ARID1B: variants seen among roughly 807,000 people sequenced by gnomAD.
The protein encoded by ARID1B is AT-rich interactive domain-containing protein 1B.
Under a neutral mutation model 212.3 loss-of-function variants are expected in ARID1B, and 30 were observed. The observed-to-expected ratio is 0.14, with a 90% CI of 0.11 to 0.19. ARID1B has a LOEUF of 0.19. ARID1B is among the 10% of genes least tolerant of loss of function. The pLI is 1.00. For synonymous variants in ARID1B, 1,402 were observed against 1,301.7 expected, an observed-to-expected ratio of 1.08 and a Z score of -1.66; for missense variants, 2,891 against 3,204.0, an observed-to-expected ratio of 0.90 and a Z score of 2.36.
intron 4 of ARID1B, among the ~76,000 whole-genome samples, chr6:157,042,458 G>A (rs1222928347): frequency 1.4e-5 from 2 of 146,448 alleles, no homozygotes; most frequent in African/African-American, 2.6e-5. Context: ...TCTTTGGGAA[G>A]AAAACTCTGA....
At chr6:157,096,719 C>T (rs965928400) in intron 5 of ARID1B, among the ~76,000 whole-genome samples, 2 of 152,316 alleles carry the variant, frequency 1.3e-5, no homozygotes, top group Non-Finnish European at 2.9e-5. Context: ...GTGCCCACTG[C>T]CACCCGCCTG....
At chr6:156,790,324 A>G (rs898238964) in intron 1 of ARID1B, among the ~76,000 whole-genome samples, 1 of 152,244 alleles carries the variant, frequency 6.6e-6, no homozygotes, top group African/African-American at 2.4e-5. Flanking sequence ...ATTGTTAAAC[A>G]TTGTATTAAT....
At position 156,829,416 on chromosome 6, in the gene ARID1B, C is replaced by G. The variant is rs1554256752; in HGVS notation, c.1981C>G (p.Gln661Glu). The part of the protein sequence containing the change: ...GAMAGMQYPQ[Q>E]QMPPQYGQQG... The stretch of plus-strand genomic sequence containing the variant: ...CATGGCCGGAATGCAGTACCCTCAG[C>G]AGCAGGTTTGTGCTGGTCCCCCGAC... The change falls in exon 2 of 20, where the codon CAG (glutamine) becomes GAG (glutamate). Residue 661 changes from glutamine (Q) to glutamate (E), a missense_variant. Around this residue, in one of 7 missense-constraint regions of ARID1B, gnomAD observed 1,643 missense variants for 1,544.0 expected, o/e 1.06. Coordinates refer to ENST00000636930, the MANE Select transcript of ARID1B (RefSeq NM_001374828.1). 1 of 1,613,996 alleles carries G rather than the reference C, an allele frequency of 6.2e-7. No homozygotes were observed. The highest frequency in any genetic ancestry group is 8.5e-7 in the Non-Finnish European group (1 of 1,179,932).
At chr6:157,105,869 G>A (rs1786442325) in intron 5 of ARID1B, among the ~76,000 whole-genome samples, 1 of 152,038 alleles carries the variant, frequency 6.6e-6, no homozygotes, top group Non-Finnish European at 1.5e-5. Flanking sequence ...CAAAGTGCTG[G>A]GATTACAGGG....
At chr6:157,127,804 A>C (rs1006402107) in intron 6 of ARID1B, among the ~76,000 whole-genome samples, 10 of 139,790 alleles carry the variant, frequency 7.2e-5, no homozygotes, top group Non-Finnish European at 1.4e-4. Context: ...AAAAAAAAAA[A>C]AACAAAAATT....
At chr6:156,858,144 G>A (rs1785078246) in intron 2 of ARID1B, among the ~76,000 whole-genome samples, 1 of 151,618 alleles carries the variant, frequency 6.6e-6, no homozygotes, top group Non-Finnish European at 1.5e-5. Context: ...AATAATGCAT[G>A]TTCTCCCTCA....
Position 157,198,847 on chromosome 6 carries a change from C to G in ARID1B, c.4419C>G (p.Gly1473=), listed in dbSNP as rs1461804390. 2 of 1,611,746 alleles carry G rather than the reference C, an allele frequency of 1.2e-6. No homozygotes were observed. The change falls in exon 17 of 20, where the codon GGC becomes GGG. Residue 1473 remains glycine (G), a synonymous_variant. Transcript: ENST00000636930. ...EPYGQQYPGQ[G]PPSGQPPYGG... The stretch of plus-strand genomic sequence containing the variant: ...ATGGGCAGCAGTATCCAGGCCAAGG[C>G]CCTCCCTCGGGACAGCCGCCGTATG...
intron 2 of ARID1B, among the ~76,000 whole-genome samples, chr6:156,889,782 C>T (rs1460071013): frequency 1.3e-5 from 2 of 152,004 alleles, no homozygotes; most frequent in Non-Finnish European, 2.9e-5. Flanking sequence ...GACAGACTGG[C>T]ATGGACAGTA....
chr6:156,794,725 G>A (rs1405503342), intron 1 of ARID1B, among the ~76,000 whole-genome samples: 3 of 151,320 alleles, frequency 2.0e-5, no homozygotes, highest in African/African-American at 7.3e-5. Context: ...GTTAAGGCAC[G>A]CACCACCACA....
At chr6:157,110,663 A>G (rs1392470157) in intron 6 of ARID1B, 102 bp downstream of exon 6, 3 of 1,104,624 alleles carry the variant, frequency 2.7e-6, no homozygotes, top group African/African-American at 3.1e-5. Flanking sequence ...AATTTTTTTA[A>G]AGGATATTAT....
At chr6:157,159,716 T>A (rs1274920758) in intron 8 of ARID1B, among the ~76,000 whole-genome samples, 1 of 152,174 alleles carries the variant, frequency 6.6e-6, no homozygotes, top group African/African-American at 2.4e-5. Context: ...TACAGCTCTT[T>A]GGAGAAATGT....
chr6:156,971,001 C>T (rs750123634), intron 4 of ARID1B, among the ~76,000 whole-genome samples: 17 of 152,156 alleles, frequency 1.1e-4, no homozygotes, highest in South Asian at 8.3e-4. Flanking sequence ...ATGCTAGTCA[C>T]CCAAAGAAAT....
intron 1 of ARID1B, among the ~76,000 whole-genome samples, chr6:156,818,745 A>G (rs1424267185): frequency 6.6e-6 from 1 of 152,198 alleles, no homozygotes; most frequent in African/African-American, 2.4e-5. Context: ...GCAAATTCTG[A>G]TAGTTGACAC....
At chr6:157,005,407 G>A (rs1167656325) in intron 4 of ARID1B, among the ~76,000 whole-genome samples, 2 of 152,150 alleles carry the variant, frequency 1.3e-5, no homozygotes, top group Non-Finnish European at 2.9e-5. Context: ...GCCTGCCTCA[G>A]CCTCCCAAAG....
chr6:157,156,612 C>T (rs556433452), intron 8 of ARID1B, among the ~76,000 whole-genome samples: 125 of 152,230 alleles, frequency 8.2e-4, no homozygotes, highest in Non-Finnish European at 1.4e-3. Flanking sequence ...TGGGAGGGAC[C>T]GGAGACCATG....
chr6:157,047,121 G>T (rs1298269318), intron 4 of ARID1B, among the ~76,000 whole-genome samples: 1 of 152,124 alleles, frequency 6.6e-6, no homozygotes, highest in Non-Finnish European at 1.5e-5. Context: ...ATTTCATATG[G>T]TTCAACCCAA....
In ARID1B at chr6:156,835,682, A is replaced by G. The variant is rs189401486; in HGVS notation, c.1986+6261A>G. ...CTATGTATTTTACATATAGACTTTC[A>G]ACCTAAAATATCTGTAAGGTTTTCT... On this transcript the variant is annotated intron_variant, in intron 2 of 19. Transcript: ENST00000636930. Among the ~76,000 whole-genome samples, 11 of 152,322 alleles carry G rather than the reference A, an allele frequency of 7.2e-5. No homozygotes were observed. The East Asian group carries it at 2.1e-3, about 29-fold the overall frequency.
At chr6:157,188,751 T>C (rs1332897380) in intron 13 of ARID1B, among the ~76,000 whole-genome samples, 1 of 152,202 alleles carries the variant, frequency 6.6e-6, no homozygotes, top group African/African-American at 2.4e-5. Flanking sequence ...ACTCATTTAT[T>C]AAGTATTTGT....
chr6:156,938,818 T>G (rs1792456049), intron 4 of ARID1B: 1 of 152,232 alleles, frequency 6.6e-6, no homozygotes, highest in Admixed American at 6.5e-5. Flanking sequence ...TTGTCCTCAC[T>G]GTTGTGTGAA....
Sources: allele counts gnomAD v4.1 joint callset (sites outside exome capture counted in the v4.1 genomes callset), GRCh38; gene constraint gnomAD v4.1.1; regional missense constraint gnomAD v4.1.1; transcripts MANE v1.5; gene names NCBI Gene and HGNC (gene_info 2026-07-23, HGNC 2026-07-21).